The following QTMAN variants were observed in gnomAD, a reference collection of about 807,000 sequenced individuals.
QTMAN encodes queuosine-tRNA mannosyltransferase, also known as tRNA-queuosine alpha-mannosyltransferase.
the QTMAN span, among the ~76,000 whole-genome samples, chr2:143,991,757 G>A: frequency 1.5e-4 from 21 of 144,074 alleles, no homozygotes; most frequent in African/African-American, 4.4e-4. Context: ...CCCCCGCCCC[G>A]CCAGCCGCCC....
At chr2:144,317,031 A>T in the QTMAN span, among the ~76,000 whole-genome samples, 1 of 152,216 alleles carries the variant, frequency 6.6e-6, no homozygotes, top group Non-Finnish European at 1.5e-5. Context: ...CTGGAGACTT[A>T]CTAAACAGTT....
the QTMAN span, among the ~76,000 whole-genome samples, chr2:144,165,118 T>C: frequency 2.6e-5 from 4 of 152,138 alleles, no homozygotes; most frequent in Non-Finnish European, 4.4e-5. Context: ...ACGACTGTAA[T>C]CCCAGCACTT....
At chr2:144,267,598 A>G in the QTMAN span, among the ~76,000 whole-genome samples, 2 of 152,242 alleles carry the variant, frequency 1.3e-5, no homozygotes, top group Non-Finnish European at 2.9e-5. Flanking sequence ...AAATTCACAG[A>G]TAAGAGAAAA....
chr2:144,003,752 T>A, the QTMAN span, among the ~76,000 whole-genome samples: 8 of 152,048 alleles, frequency 5.3e-5, no homozygotes, highest in Admixed American at 5.2e-4. Flanking sequence ...ATGTGTCTTC[T>A]AGAAAATGTC....
At chr2:144,176,327 A>C in the QTMAN span, among the ~76,000 whole-genome samples, 3 of 152,146 alleles carry the variant, frequency 2.0e-5, no homozygotes, top group African/African-American at 7.2e-5. Context: ...AAGTGAACAA[A>C]ATTTTTATTC....
the QTMAN span, among the ~76,000 whole-genome samples, chr2:144,299,732 A>C: frequency 6.6e-6 from 1 of 152,222 alleles, no homozygotes; most frequent in Non-Finnish European, 1.5e-5. Context: ...CAGTTCTTCA[A>C]AAAATAAAAC....
the QTMAN span, among the ~76,000 whole-genome samples, chr2:144,182,799 T>TA: frequency 3.7e-4 from 5 of 13,400 alleles, no homozygotes; most frequent in South Asian, 4.9e-3. Context: ...ATATATATAT[T>TA]ATATATATAA....
chr2:143,973,636 A>T, the QTMAN span, among the ~76,000 whole-genome samples: 2 of 151,946 alleles, frequency 1.3e-5, no homozygotes, highest in Non-Finnish European at 2.9e-5. Context: ...TAAAAATATA[A>T]AAATTAGCCG....
chr2:144,243,085 A>C, the QTMAN span, among the ~76,000 whole-genome samples: 1 of 152,164 alleles, frequency 6.6e-6, no homozygotes, highest in African/African-American at 2.4e-5. Flanking sequence ...TGGCTAAAAA[A>C]GGCAGGCAAA....
the QTMAN span, among the ~76,000 whole-genome samples, chr2:143,999,501 G>A: frequency 6.6e-6 from 1 of 151,858 alleles, no homozygotes; most frequent in Non-Finnish European, 1.5e-5. Context: ...AAGGCTTAGT[G>A]ACCGGAAAGG....
chr2:143,992,236 C>T, the QTMAN span, among the ~76,000 whole-genome samples: 3 of 149,350 alleles, frequency 2.0e-5, no homozygotes, highest in Non-Finnish European at 3.0e-5. Context: ...GACCTTACCC[C>T]GCAACCCTGT....
the QTMAN span, among the ~76,000 whole-genome samples, chr2:144,182,861 A>ATT: frequency 7.5e-4 from 50 of 66,728 alleles, no homozygotes; most frequent in African/African-American, 3.9e-3. Context: ...TTTTATATAT[A>ATT]ATATATATAT....
the QTMAN span, among the ~76,000 whole-genome samples, chr2:144,243,598 G>T: frequency 6.6e-6 from 1 of 152,120 alleles, no homozygotes; most frequent in Admixed American, 6.5e-5. Context: ...GACTTGAAAG[G>T]TCACTTGGTA....
At chr2:144,172,784 T>A in the QTMAN span, among the ~76,000 whole-genome samples, 1 of 152,080 alleles carries the variant, frequency 6.6e-6, no homozygotes, top group Non-Finnish European at 1.5e-5. Flanking sequence ...CACCTACTAG[T>A]AGAGATGCCT....
the QTMAN span, among the ~76,000 whole-genome samples, chr2:144,205,500 T>C: frequency 3.3e-5 from 5 of 152,112 alleles, no homozygotes; most frequent in African/African-American, 1.2e-4. Context: ...AATGGGATCA[T>C]CCTAACTAAT....
chr2:143,954,516 A>G, the QTMAN span, among the ~76,000 whole-genome samples: 1 of 152,092 alleles, frequency 6.6e-6, no homozygotes, highest in Admixed American at 6.5e-5. Context: ...AGTAAGATAG[A>G]AATGGCATTA....
At chr2:144,261,957 T>C in the QTMAN span, among the ~76,000 whole-genome samples, 1 of 152,030 alleles carries the variant, frequency 6.6e-6, no homozygotes, top group Non-Finnish European at 1.5e-5. Context: ...TACAAGCATA[T>C]CCAATTTTCT....
At chr2:144,000,357 C>G in the QTMAN span, among the ~76,000 whole-genome samples, 3 of 151,876 alleles carry the variant, frequency 2.0e-5, no homozygotes, top group South Asian at 4.1e-4. Context: ...AGACAAAATT[C>G]TTTAAAGACA....
At chr2:144,126,488 A>T in the QTMAN span, among the ~76,000 whole-genome samples, 1 of 151,980 alleles carries the variant, frequency 6.6e-6, no homozygotes, top group Non-Finnish European at 1.5e-5. Context: ...CTTTTACTTA[A>T]GGCAGAAAAA....
Sources: gnomAD v4.1 joint callset for allele counts (sites outside exome capture counted in the v4.1 genomes callset) on GRCh38, gnomAD v4.1.1 for gene constraint, MANE v1.5 for transcripts, NCBI Gene and HGNC (gene_info 2026-07-23, HGNC 2026-07-21) for gene names.